FBXW10B: variants seen among roughly 807,000 people sequenced by gnomAD.
FBXW10B encodes the protein F-box and WD repeat domain containing protein 10B.
the FBXW10B span, chr17:15,614,091 C>G: frequency 3.3e-6 from 5 of 1,515,244 alleles, no homozygotes; most frequent in Admixed American, 8.9e-5. Context: ...AACTCCAGGC[C>G]GAGAACAAGT....
chr17:15,598,558 G>A, the FBXW10B span: 1 of 1,613,608 alleles, frequency 6.2e-7, no homozygotes, highest in Non-Finnish European at 8.5e-7. Context: ...TCTTCCTCCA[G>A]ATACGAGCCT....
At chr17:15,600,593 G>A in the FBXW10B span, among the ~76,000 whole-genome samples, 1 of 151,274 alleles carries the variant, frequency 6.6e-6, no homozygotes, top group African/African-American at 2.4e-5. Flanking sequence ...CATAACAGCA[G>A]GTATTATGCT....
chr17:15,604,040 A>T, the FBXW10B span, among the ~76,000 whole-genome samples: 12 of 147,998 alleles, frequency 8.1e-5, no homozygotes, highest in African/African-American at 3.0e-4. Flanking sequence ...ACATGGCGCC[A>T]CTGCCCTCCA....
chr17:15,571,660 G>A, the FBXW10B span: 1 of 152,144 alleles, frequency 6.6e-6, no homozygotes. Context: ...TCCCATTCCT[G>A]TGTATGTATG....
the FBXW10B span, among the ~76,000 whole-genome samples, chr17:15,570,390 A>G: frequency 6.6e-6 from 1 of 152,208 alleles, no homozygotes; most frequent in African/African-American, 2.4e-5. Flanking sequence ...GGTGAGCAAA[A>G]ATGCAAAGAT....
chr17:15,591,467 T>C, the FBXW10B span, among the ~76,000 whole-genome samples: 1 of 152,102 alleles, frequency 6.6e-6, no homozygotes, highest in African/African-American at 2.4e-5. Flanking sequence ...TTTTGTGTTT[T>C]TAGTAGAGAC....
chr17:15,587,594 T>C, the FBXW10B span, among the ~76,000 whole-genome samples: 1 of 151,630 alleles, frequency 6.6e-6, no homozygotes, highest in Non-Finnish European at 1.5e-5. Flanking sequence ...TGCTGGGCTC[T>C]CCTCTGGCCC....
the FBXW10B span, among the ~76,000 whole-genome samples, chr17:15,578,980 T>A: frequency 6.6e-6 from 1 of 152,106 alleles, no homozygotes; most frequent in African/African-American, 2.4e-5. Flanking sequence ...TCAGTGTAGA[T>A]CTGGTTTGTT....
the FBXW10B span, among the ~76,000 whole-genome samples, chr17:15,587,930 G>T: frequency 3.3e-5 from 5 of 152,166 alleles, no homozygotes; most frequent in African/African-American, 1.2e-4. Flanking sequence ...TCTGCTAGGA[G>T]AAGGCAGGCT....
the FBXW10B span, chr17:15,618,936 C>T: frequency 3.2e-6 from 5 of 1,572,428 alleles, no homozygotes; most frequent in Non-Finnish European, 4.3e-6. Flanking sequence ...AACTGCAGTT[C>T]CTTACAGATT....
the FBXW10B span, among the ~76,000 whole-genome samples, chr17:15,585,969 C>T: frequency 2.8e-4 from 40 of 143,994 alleles, 1 homozygote; most frequent in African/African-American, 1.0e-3. Flanking sequence ...TGAAGAAATG[C>T]CTCAGGATCT....
the FBXW10B span, among the ~76,000 whole-genome samples, chr17:15,610,031 T>G: frequency 6.6e-6 from 1 of 151,874 alleles, no homozygotes; most frequent in Non-Finnish European, 1.5e-5. Flanking sequence ...TGGCTAATTT[T>G]CTATATTTTT....
the FBXW10B span, among the ~76,000 whole-genome samples, chr17:15,578,707 G>C: frequency 6.6e-6 from 1 of 152,058 alleles, no homozygotes; most frequent in African/African-American, 2.4e-5. Flanking sequence ...TGGAAACTCT[G>C]ATTTTCGTAG....
chr17:15,566,646 T>C, the FBXW10B span, among the ~76,000 whole-genome samples: 6 of 151,926 alleles, frequency 3.9e-5, no homozygotes, highest in South Asian at 6.2e-4. Context: ...CTGCAAGCTC[T>C]GCCTTCCGGG....
the FBXW10B span, among the ~76,000 whole-genome samples, chr17:15,602,552 GA>G: frequency 0.016 from 2,100 of 132,928 alleles, 63 homozygotes; most frequent in African/African-American, 0.056. Context: ...CAGAAATGAG[GA>G]AAAAAAAAAC....
At chr17:15,601,334 A>G in the FBXW10B span, among the ~76,000 whole-genome samples, 9 of 146,176 alleles carry the variant, frequency 6.2e-5, no homozygotes, top group South Asian at 4.5e-4. Flanking sequence ...GCGTGAACCC[A>G]GGAGGCGGAG....
the FBXW10B span, chr17:15,605,244 C>A: frequency 1.3e-6 from 2 of 1,594,666 alleles, no homozygotes; most frequent in Non-Finnish European, 8.5e-7. Context: ...GTCATAGCTC[C>A]CGCTTAGGAG....
the FBXW10B span, among the ~76,000 whole-genome samples, chr17:15,601,147 C>T: frequency 8.7e-5 from 13 of 149,040 alleles, no homozygotes; most frequent in African/African-American, 9.9e-5. Context: ...CAGTAGCTCA[C>T]GCCTGTAATC....
the FBXW10B span, among the ~76,000 whole-genome samples, chr17:15,587,226 C>T: frequency 4.6e-5 from 7 of 150,880 alleles, no homozygotes; most frequent in Non-Finnish European, 5.9e-5. Flanking sequence ...ATTGAGGGTG[C>T]CTGAGTGAGT....
Sources: allele counts gnomAD v4.1 joint callset (sites outside exome capture counted in the v4.1 genomes callset), GRCh38; gene constraint gnomAD v4.1.1; transcripts MANE v1.5; gene names NCBI Gene and HGNC (gene_info 2026-07-23, HGNC 2026-07-21).